The following MBOAT1 variants were observed in gnomAD, a reference collection of about 807,000 sequenced individuals.
MBOAT1 encodes the protein membrane-bound glycerophospholipid O-acyltransferase 1.
In MBOAT1, 67 loss-of-function variants were observed where a neutral mutation model predicts 64.4. That is an observed-to-expected ratio of 1.04 (90% CI 0.85 to 1.27). MBOAT1 has a LOEUF of 1.27. MBOAT1 is among the 50% of genes most tolerant of loss of function. MBOAT1 has a pLI of 0.00. For missense variants in MBOAT1, 563 were observed against 604.6 expected (o/e 0.93, Z 0.72); for synonymous variants, 229 against 218.9 (o/e 1.05, Z -0.41).
intron 12 of MBOAT1, among the ~76,000 whole-genome samples, chr6:20,104,445 C>A (rs766288927): frequency 3.3e-5 from 5 of 152,104 alleles, no homozygotes; most frequent in Non-Finnish European, 7.4e-5. Flanking sequence ...ATAAAAAAAA[C>A]AAGTTTTGCT....
chr6:20,128,565 T>C (rs1581408503), intron 6 of MBOAT1, 134 bp downstream of exon 6: 1 of 625,202 alleles, frequency 1.6e-6, no homozygotes, highest in African/African-American at 1.9e-5. Flanking sequence ...CACATGTCCA[T>C]CAATAGCAGA....
intron 1 of MBOAT1, among the ~76,000 whole-genome samples, chr6:20,187,966 C>G (rs1037435421): frequency 6.6e-6 from 1 of 152,042 alleles, no homozygotes. Context: ...CACTAAGTGA[C>G]AGAGCAAGAC....
intron 1 of MBOAT1, among the ~76,000 whole-genome samples, chr6:20,192,995 CT>C (rs1174816793): frequency 1.8e-3 from 101 of 55,024 alleles, no homozygotes; most frequent in African/African-American, 3.2e-3. Context: ...GCTATAATTT[CT>C]TTTTTTTTTT....
chr6:20,131,812 T>C (rs1412108524), intron 4 of MBOAT1, among the ~76,000 whole-genome samples: 1 of 152,184 alleles, frequency 6.6e-6, no homozygotes, highest in Non-Finnish European at 1.5e-5. Flanking sequence ...GTGCCATTAC[T>C]TGGTGTAGCT....
intron 1 of MBOAT1, among the ~76,000 whole-genome samples, chr6:20,203,078 A>G (rs796206814): frequency 5.9e-5 from 9 of 152,298 alleles, no homozygotes; most frequent in South Asian, 2.1e-4. Flanking sequence ...CCAAGGCAGG[A>G]GGATCACTTA....
chr6:20,126,376 A>G, intron 7 of MBOAT1, 141 bp downstream of exon 7: 1 of 731,928 alleles, frequency 1.4e-6, no homozygotes, highest in Non-Finnish European at 2.3e-6. Context: ...GCAAATAAGT[A>G]ACTATACTGG....
At position 20,143,071 on chromosome 6, in the gene MBOAT1, A is replaced by G. The variant is rs191928459; in HGVS notation, c.419+1149T>C. On this transcript the variant is annotated intron_variant, in intron 4 of 12. Coordinates refer to ENST00000324607, the MANE Select transcript of MBOAT1 (RefSeq NM_001080480.3). ...CCCTCATTTCACTGCCTAGTTGCCA[A>G]CAACTCACTGAAGGAGGTACAGTCC... 4.6e-5 allele frequency among the ~76,000 whole-genome samples: 7 copies of G among 152,328 alleles called. No individual in the cohort carries two copies. The East Asian group carries it at 1.4e-3, about 29-fold the overall frequency.
chr6:20,112,980 G>T lies in MBOAT1; in HGVS notation c.1105C>A (p.Pro369Thr). ...GACAGGATGAAGGTTAGCACCGTGG[G>T]GTACCATGGAACCCGCTGATAGCAC... ...CVCYQRVPWY[P>T]TVLTFILSAL... Residue 369 changes from proline (P) to threonine (T), a missense_variant, in exon 11 of 13, where the codon CCC becomes ACC. Transcript: ENST00000324607. The T allele has an allele frequency of 1.2e-6, 2 of 1,614,010 alleles. No homozygotes were observed. Among genetic ancestry groups the T allele is most frequent in the South Asian group, 1.1e-5 (1 of 91,064 alleles).
At chr6:20,116,886 C>T (rs903358666) in intron 9 of MBOAT1, among the ~76,000 whole-genome samples, 10 of 152,070 alleles carry the variant, frequency 6.6e-5, no homozygotes, top group African/African-American at 2.4e-4. Context: ...CCCTAAAGGA[C>T]GTTTACCCAA....
At chr6:20,129,841 C>T (rs889388385) in intron 5 of MBOAT1, among the ~76,000 whole-genome samples, 5 of 152,104 alleles carry the variant, frequency 3.3e-5, no homozygotes, top group Non-Finnish European at 7.4e-5. Flanking sequence ...ACTAACTCAC[C>T]CTGCTTTGCT....
intron 1 of MBOAT1, among the ~76,000 whole-genome samples, chr6:20,204,555 G>A (rs1309186085): frequency 6.6e-6 from 1 of 152,134 alleles, no homozygotes; most frequent in African/African-American, 2.4e-5. Context: ...GGTCCATTTG[G>A]CCCTGGTGGG....
At chr6:20,187,460 GGGCAAGTC>G (rs1762685784) in intron 1 of MBOAT1, among the ~76,000 whole-genome samples, 2 of 152,248 alleles carry the variant, frequency 1.3e-5, no homozygotes, top group South Asian at 4.1e-4. Flanking sequence ...GTGTGCCCCA[GGGCAAGTC>G]TCTGCTGTGG....
At chr6:20,159,271 C>T (rs1016759923) in intron 1 of MBOAT1, among the ~76,000 whole-genome samples, 7 of 152,126 alleles carry the variant, frequency 4.6e-5, no homozygotes, top group African/African-American at 1.4e-4. Context: ...CACTCCCCAT[C>T]GCCTGCATTA....
chr6:20,111,891 T>TATATATACATATATATAC (rs1760182211), intron 11 of MBOAT1, among the ~76,000 whole-genome samples: 4 of 79,974 alleles, frequency 5.0e-5, no homozygotes, highest in African/African-American at 1.4e-4. Context: ...TATATATATA[T>TATATATACATATATATAC]ATTCCAGCAC....
chr6:20,192,677 A>G (rs1348974431), intron 1 of MBOAT1, among the ~76,000 whole-genome samples: 1 of 152,216 alleles, frequency 6.6e-6, no homozygotes, highest in Non-Finnish European at 1.5e-5. Flanking sequence ...TTGCCTAAAG[A>G]GCGCACTAAA....
chr6:20,128,973 G>A (rs112703270), intron 5 of MBOAT1, among the ~76,000 whole-genome samples: 130 of 152,196 alleles, frequency 8.5e-4, no homozygotes, highest in African/African-American at 2.9e-3. Flanking sequence ...CACATGGAGA[G>A]GGGAAGGACT....
At chr6:20,161,891 G>A (rs991394582) in intron 1 of MBOAT1, among the ~76,000 whole-genome samples, 1 of 152,200 alleles carries the variant, frequency 6.6e-6, no homozygotes, top group Non-Finnish European at 1.5e-5. Context: ...TGGGTTGGGG[G>A]GCAAAACACA....
At chr6:20,125,810 C>T in intron 7 of MBOAT1, 1 of 387,184 alleles carries the variant, frequency 2.6e-6, no homozygotes, top group South Asian at 2.0e-5. Context: ...ATAGTCTTTG[C>T]CAAGGCGTTA....
rs538103147 is a variant in MBOAT1 at position 20,172,559 on chromosome 6, A to G, written c.100-19790T>C. ...TTCCTCAACTCTTGCTCTTAAAATCAAACAGAATGTGATGTCAGCCTTTTT... is the reference window on the plus strand; with the variant it reads ...TTCCTCAACTCTTGCTCTTAAAATCGAACAGAATGTGATGTCAGCCTTTTT... On this transcript the variant is annotated intron_variant, in intron 1 of 12. Coordinates refer to ENST00000324607, the MANE Select transcript of MBOAT1 (RefSeq NM_001080480.3). Among the ~76,000 whole-genome samples the G allele has an allele frequency of 1.9e-3, 282 of 152,276 alleles. 1 individual carries two copies. Among genetic ancestry groups the G allele is most frequent in the African/African-American group, 6.5e-3 (271 of 41,540 alleles).
Sources: gnomAD v4.1 joint callset for allele counts (sites outside exome capture counted in the v4.1 genomes callset) on GRCh38, gnomAD v4.1.1 for gene constraint, MANE v1.5 for transcripts, NCBI Gene and HGNC (gene_info 2026-07-23, HGNC 2026-07-21) for gene names.